Variants in RABGAP1L observed in about 807,000 individuals in gnomAD.
The protein encoded by RABGAP1L is rab GTPase-activating protein 1-like.
A neutral mutation model predicts 137.7 loss-of-function variants in RABGAP1L; 63 were observed. The ratio of observed to expected loss-of-function variants is 0.46; its 90% CI spans 0.37 to 0.56. RABGAP1L has a LOEUF of 0.56. RABGAP1L is among the 20% of genes least tolerant of loss of function. The pLI, the probability that RABGAP1L is intolerant of heterozygous loss-of-function variation, is 0.00. For synonymous variants in RABGAP1L, 431 were observed against 433.7 expected (o/e 0.99, Z 0.08); for missense variants, 1,095 against 1,244.0 (o/e 0.88, Z 1.80).
chr1:174,976,056 T>G, intron 21 of RABGAP1L, 22 bp from the exon 22 acceptor site: 1 of 1,373,434 alleles, frequency 7.3e-7, no homozygotes, highest in South Asian at 1.3e-5. Flanking sequence ...GATGTATGAC[T>G]GTGATGCACC....
At chr1:174,399,983 C>A (rs957066015) in intron 13 of RABGAP1L, among the ~76,000 whole-genome samples, 1 of 152,040 alleles carries the variant, frequency 6.6e-6, no homozygotes, top group South Asian at 2.1e-4. Flanking sequence ...GTTTGGCTTC[C>A]ATGAAAAAGT....
At chr1:174,793,856 C>A (rs1688045837) in intron 18 of RABGAP1L, among the ~76,000 whole-genome samples, 1 of 152,034 alleles carries the variant, frequency 6.6e-6, no homozygotes, top group African/African-American at 2.4e-5. Context: ...ACCACCACAC[C>A]CAGCTAATTT....
intron 8 of RABGAP1L, among the ~76,000 whole-genome samples, chr1:174,274,943 A>G (rs1674855608): frequency 6.6e-6 from 1 of 152,188 alleles, no homozygotes. Context: ...AATGTGAGGA[A>G]ATCGCTACAA....
At chr1:174,822,765 G>A (rs955178939) in intron 19 of RABGAP1L, among the ~76,000 whole-genome samples, 1 of 152,190 alleles carries the variant, frequency 6.6e-6, no homozygotes. Context: ...TTTCTGTGTG[G>A]CCCGGTTCCT....
chr1:174,687,714 G>T (rs770448980), intron 15 of RABGAP1L, among the ~76,000 whole-genome samples: 1 of 152,126 alleles, frequency 6.6e-6, no homozygotes, highest in Admixed American at 6.5e-5. Context: ...ATAAGCTATT[G>T]CTTCTTTTTG....
At chr1:174,355,036 A>G (rs1683502294) in intron 11 of RABGAP1L, among the ~76,000 whole-genome samples, 1 of 152,212 alleles carries the variant, frequency 6.6e-6, no homozygotes, top group Admixed American at 6.5e-5. Flanking sequence ...TAGTTCAACC[A>G]TTGTGGAAGT....
chr1:174,976,707 T>TA (rs1424069030), intron 22 of RABGAP1L, among the ~76,000 whole-genome samples: 2 of 152,182 alleles, frequency 1.3e-5, no homozygotes, highest in Non-Finnish European at 2.9e-5. Flanking sequence ...TGGGGGAATA[T>TA]AAAGAAACAT....
At chr1:174,550,805 G>A (rs1171669276) in intron 13 of RABGAP1L, among the ~76,000 whole-genome samples, 1 of 141,188 alleles carries the variant, frequency 7.1e-6, no homozygotes, top group Non-Finnish European at 1.5e-5. Context: ...GGATCACAAG[G>A]TCTGGAGATT....
At chr1:174,955,289 T>C (rs1483471298) in intron 19 of RABGAP1L, among the ~76,000 whole-genome samples, 1 of 152,198 alleles carries the variant, frequency 6.6e-6, no homozygotes, top group Non-Finnish European at 1.5e-5. Context: ...CATAATGTGG[T>C]TGTTGACTGG....
At chr1:174,705,631 A>G (rs1456023003) in intron 17 of RABGAP1L, 14 of 152,194 alleles carry the variant, frequency 9.2e-5, no homozygotes, top group Admixed American at 7.2e-4. Flanking sequence ...ATTGCTTTTC[A>G]GAATAATCTA....
At chr1:174,859,877 TA>T (rs1466458013) in intron 19 of RABGAP1L, among the ~76,000 whole-genome samples, 3 of 151,654 alleles carry the variant, frequency 2.0e-5, no homozygotes, top group Non-Finnish European at 4.4e-5. Flanking sequence ...TAACAATTTT[TA>T]TATAGCAGTA....
chr1:174,884,717 C>T (rs1654801764), intron 19 of RABGAP1L, among the ~76,000 whole-genome samples: 1 of 152,224 alleles, frequency 6.6e-6, no homozygotes, highest in South Asian at 2.1e-4. Flanking sequence ...TTCATCTAGG[C>T]AACAGAGCTG....
chr1:174,171,645 T>G (rs747646034), intron 1 of RABGAP1L, among the ~76,000 whole-genome samples: 14 of 146,384 alleles, frequency 9.6e-5, no homozygotes, highest in Middle Eastern at 3.6e-3. Flanking sequence ...TTCGTCCCCC[T>G]CCTTTCCCCT....
intron 19 of RABGAP1L, among the ~76,000 whole-genome samples, chr1:174,934,378 C>T (rs993751204): frequency 3.9e-5 from 6 of 152,130 alleles, no homozygotes; most frequent in South Asian, 2.1e-4. Context: ...TGAGCCACCA[C>T]GCCCGGCCGA....
intron 13 of RABGAP1L, among the ~76,000 whole-genome samples, chr1:174,524,987 G>C (rs978007330): frequency 6.6e-6 from 1 of 151,928 alleles, no homozygotes; most frequent in East Asian, 1.9e-4. Flanking sequence ...TTTCTATTTT[G>C]TTCCATTCGT....
At chr1:174,878,690 T>A (rs1653574243) in intron 19 of RABGAP1L, among the ~76,000 whole-genome samples, 1 of 151,958 alleles carries the variant, frequency 6.6e-6, no homozygotes. Context: ...CATGGCTATT[T>A]CTTGAAACAA....
chr1:174,307,145 T>A (rs1678353060), intron 11 of RABGAP1L, among the ~76,000 whole-genome samples: 1 of 152,188 alleles, frequency 6.6e-6, no homozygotes, highest in African/African-American at 2.4e-5. Flanking sequence ...GAGAGCATCA[T>A]CACTTGCTAA....
intron 13 of RABGAP1L, among the ~76,000 whole-genome samples, chr1:174,476,944 G>C (rs1007334097): frequency 2.0e-5 from 3 of 152,130 alleles, no homozygotes; most frequent in Non-Finnish European, 4.4e-5. Flanking sequence ...GGCAGAAGAC[G>C]TTCATGTGTT....
At position 174,450,470 on chromosome 1, in the gene RABGAP1L, G is replaced by C. The variant is rs182228356; in HGVS notation, c.1710+56325G>C. Among the ~76,000 whole-genome samples, 410 of 152,214 alleles carry C rather than the reference G, an allele frequency of 2.7e-3. 1 individual carries two copies. Among genetic ancestry groups the C allele is most frequent in the South Asian group, 9.7e-3 (47 of 4,826 alleles). On this transcript the variant is annotated intron_variant, in intron 13 of 25. Transcript: ENST00000681986. ...GTATATACAAAAACCTATTTTAAGAGAAAAATACTTTTGTGTAATTGTTAT... is the reference window on the plus strand; with the variant it reads ...GTATATACAAAAACCTATTTTAAGACAAAAATACTTTTGTGTAATTGTTAT...
Sources: allele counts gnomAD v4.1 joint callset (sites outside exome capture counted in the v4.1 genomes callset), GRCh38; gene constraint gnomAD v4.1.1; transcripts MANE v1.5; gene names NCBI Gene and HGNC (gene_info 2026-07-23, HGNC 2026-07-21).